OTOP1: variants seen among roughly 807,000 people sequenced by gnomAD.
The protein encoded by OTOP1 is proton channel OTOP1.
Under a neutral mutation model 52.9 loss-of-function variants are expected in OTOP1, and 59 were observed. The observed-to-expected ratio is 1.12, with a 90% confidence interval of 0.91 to 1.39. The LOEUF (loss-of-function observed/expected upper bound fraction) is 1.39. Among genes scored for constraint, OTOP1 ranks in the 40% most tolerant of loss-of-function variants. The pLI, the probability that OTOP1 is intolerant of heterozygous loss-of-function variation, is 0.00. For missense variants in OTOP1, 761 were observed against 800.9 expected (o/e 0.95, Z 0.60); for synonymous variants, 317 against 337.7 (o/e 0.94, Z 0.67).
At chr4:4,209,166 C>G (rs373314830) in intron 2 of OTOP1, among the ~76,000 whole-genome samples, 1 of 152,158 alleles carries the variant, frequency 6.6e-6, no homozygotes, top group Non-Finnish European at 1.5e-5. Flanking sequence ...ATCTCAGACA[C>G]GTAGGCAGGA....
In OTOP1 at chr4:4,188,770, T is replaced by A; in HGVS notation, c.*33A>T. On this transcript the variant is annotated 3_prime_UTR_variant, in exon 6 of 6. Transcript: ENST00000296358. The stretch of plus-strand genomic sequence containing the variant: ...CCTAGTTGGCTCCAATGAACTCTTG[T>A]TAGCTCACTCCTAGGTCTCTTGTGG... The A allele has an allele frequency of 6.4e-7, 1 of 1,564,416 alleles. No homozygotes were observed. The highest frequency in any genetic ancestry group is 8.6e-7 in the Non-Finnish European group (1 of 1,156,218).
chr4:4,225,357 G>T (rs1346298474), intron 1 of OTOP1, among the ~76,000 whole-genome samples: 2 of 152,138 alleles, frequency 1.3e-5, no homozygotes, highest in African/African-American at 4.8e-5. Context: ...ATCCCTGGAG[G>T]CCAGGAGTTT....
At chr4:4,192,842 A>T (rs1295870474) in intron 5 of OTOP1, among the ~76,000 whole-genome samples, 1 of 152,170 alleles carries the variant, frequency 6.6e-6, no homozygotes, top group African/African-American at 2.4e-5. Flanking sequence ...CTAGGAGTCA[A>T]ATTCCTAGAG....
chr4:4,216,750 G>A (rs1222301880), intron 1 of OTOP1, among the ~76,000 whole-genome samples: 5 of 152,222 alleles, frequency 3.3e-5, no homozygotes, highest in Non-Finnish European at 7.3e-5. Flanking sequence ...GCGAGGCAGC[G>A]TGGTTGAGTG....
At chr4:4,222,129 G>A (rs897463517) in intron 1 of OTOP1, among the ~76,000 whole-genome samples, 9 of 152,064 alleles carry the variant, frequency 5.9e-5, no homozygotes, top group Non-Finnish European at 8.8e-5. Context: ...AGGATACAAC[G>A]GTAAGCACAG....
rs532134577 is a variant in OTOP1, at chr4:4,216,473, G to C, written c.404-3469C>G. Among the ~76,000 whole-genome samples the C allele has an allele frequency of 2.6e-5, 4 of 152,312 alleles. No homozygotes were observed. In the South Asian group the frequency reaches 8.3e-4, roughly 32 times the overall value. ...ATGACGTGCATTAAGGCACTGAGCA[G>C]AGAGGAGGGCATGAGCCATAACATT... On this transcript the variant is annotated intron_variant, in intron 1 of 5. Coordinates refer to ENST00000296358, the MANE Select transcript of OTOP1 (RefSeq NM_177998.3).
At chr4:4,196,511 C>T (rs1238079547) in intron 5 of OTOP1, among the ~76,000 whole-genome samples, 1 of 152,176 alleles carries the variant, frequency 6.6e-6, no homozygotes, top group African/African-American at 2.4e-5. Flanking sequence ...GAGCCAAGAT[C>T]GCACCATTGC....
intron 4 of OTOP1, among the ~76,000 whole-genome samples, chr4:4,200,047 T>C (rs1054252647): frequency 6.6e-6 from 1 of 152,188 alleles, no homozygotes; most frequent in Non-Finnish European, 1.5e-5. Context: ...AGATCAAATA[T>C]ATAGTATAAA....
At chr4:4,223,188 A>G (rs1396863589) in intron 1 of OTOP1, among the ~76,000 whole-genome samples, 1 of 152,108 alleles carries the variant, frequency 6.6e-6, no homozygotes, top group Non-Finnish European at 1.5e-5. Context: ...TTCCCTCTCT[A>G]CTTAGTGTCC....
chr4:4,191,017 G>A (rs1027417057), intron 5 of OTOP1, among the ~76,000 whole-genome samples: 1 of 152,122 alleles, frequency 6.6e-6, no homozygotes, highest in African/African-American at 2.4e-5. Flanking sequence ...AGAACCCCAG[G>A]CTCATAGTTT....
At chr4:4,193,236 T>C (rs1450034987) in intron 5 of OTOP1, among the ~76,000 whole-genome samples, 1 of 151,976 alleles carries the variant, frequency 6.6e-6, no homozygotes, top group Non-Finnish European at 1.5e-5. Context: ...CATCCATCCC[T>C]TCCCCACACC....
rs531466304 is a variant in OTOP1 at position 4,189,436 on chromosome 4, C to T, written c.1669-463G>A. On this transcript the variant is annotated intron_variant, in intron 5 of 5. Transcript: ENST00000296358. ...GTGTCCCAGTTCTCTCCCCCTGTGC[C>T]ACCTCTTGAGTTGTCAGGCTCCTCA... Among the ~76,000 whole-genome samples the T allele has an allele frequency of 3.3e-5, 5 of 152,346 alleles. No homozygotes were observed. In the South Asian group the frequency reaches 1.0e-3, roughly 32 times the overall value.
chr4:4,217,177 T>C (rs550182992), intron 1 of OTOP1, among the ~76,000 whole-genome samples: 1 of 152,374 alleles, frequency 6.6e-6, no homozygotes, highest in Admixed American at 6.5e-5. Flanking sequence ...AGGGATTCAT[T>C]CACCCGGTTA....
chr4:4,220,056 C>T (rs1473025276), intron 1 of OTOP1, among the ~76,000 whole-genome samples: 28 of 121,886 alleles, frequency 2.3e-4, no homozygotes, highest in African/African-American at 7.8e-4. Context: ...TATACATATA[C>T]GTGTATATAC....
At chr4:4,189,515 A>C (rs1414501737) in intron 5 of OTOP1, among the ~76,000 whole-genome samples, 1 of 152,106 alleles carries the variant, frequency 6.6e-6, no homozygotes, top group African/African-American at 2.4e-5. Context: ...TGGCTGTGGC[A>C]GGCAGCCTCT....
At chr4:4,203,613 G>C (rs1716837310) in intron 3 of OTOP1, among the ~76,000 whole-genome samples, 1 of 152,222 alleles carries the variant, frequency 6.6e-6, no homozygotes, top group African/African-American at 2.4e-5. Context: ...GGTCCCCATA[G>C]GGTCACTGAT....
intron 1 of OTOP1, among the ~76,000 whole-genome samples, chr4:4,216,485 T>G (rs1203227535): frequency 6.6e-6 from 1 of 152,162 alleles, no homozygotes; most frequent in African/African-American, 2.4e-5. Flanking sequence ...GAGGAGGGCA[T>G]GAGCCATAAC....
At position 4,226,851 on chromosome 4, in the gene OTOP1, A is replaced by G; in HGVS notation, c.14T>C (p.Leu5Pro). The change falls in exon 1 of 6, where the codon CTG (leucine) becomes CCG (proline). Residue 5 changes from leucine to proline, a missense_variant. Around this residue, in one of 3 missense-constraint regions of OTOP1, gnomAD observed 73 missense variants for 75.7 expected, o/e 0.96. Coordinates refer to ENST00000296358, the MANE Select transcript of OTOP1 (RefSeq NM_177998.3). ...TGCCCGGGGCGAGGCGGGCGACCCCAGGCCCTCGAGCATCTTCGAGACACC... is the reference window on the plus strand; with the variant it reads ...TGCCCGGGGCGAGGCGGGCGACCCCGGGCCCTCGAGCATCTTCGAGACACC... MLEGLGSPASPRAAA... is the reference protein window; with the variant it reads MLEGPGSPASPRAAA... The G allele has an allele frequency of 7.5e-7, 1 of 1,336,064 alleles. No individual in the cohort carries two copies. The allele number at this position is 1,336,064 out of a possible 1,614,324, so 82.8% of individuals were successfully genotyped here.
chr4:4,210,762 C>A lies in OTOP1; in HGVS notation c.540+2106G>T, dbSNP rs548851001. Among the ~76,000 whole-genome samples the A allele has an allele frequency of 1.1e-4, 17 of 152,150 alleles. No homozygotes were observed. The East Asian group carries it at 2.9e-3, about 26-fold the overall frequency. ...AGGAGAATTGCTTCAACCCAGGAGA[C>A]GGAAGTTGCAGTGAGCCAAGATTAC... On this transcript the variant is annotated intron_variant, in intron 2 of 5. Transcript: ENST00000296358.
Sources: allele counts gnomAD v4.1 joint callset (sites outside exome capture counted in the v4.1 genomes callset), GRCh38; gene constraint gnomAD v4.1.1; regional missense constraint gnomAD v4.1.1; transcripts MANE v1.5; gene names NCBI Gene and HGNC (gene_info 2026-07-23, HGNC 2026-07-21).